The following ADAMTS13 variants were observed in gnomAD, a reference collection of about 807,000 sequenced individuals.
The protein encoded by ADAMTS13 is A disintegrin and metalloproteinase with thrombospondin motifs 13.
In ADAMTS13, 110 loss-of-function variants were observed where a neutral mutation model predicts 155.1. The observed-to-expected ratio is 0.71, with a 90% confidence interval of 0.61 to 0.83. The LOEUF is 0.83. Among genes scored for constraint, ADAMTS13 ranks in the 40% least tolerant of loss-of-function variants. ADAMTS13 has a pLI of 0.00. For synonymous variants in ADAMTS13, 758 were observed against 756.4 expected (o/e 1.00, Z -0.03); for missense variants, 1,707 against 1,891.7 (o/e 0.90, Z 1.81).
rs375370257 is a variant in ADAMTS13, at chr9:133,424,333, C to T, written c.185C>T (p.Ser62Phe). 1 of 1,612,970 alleles carries T rather than the reference C, an allele frequency of 6.2e-7. No homozygotes were observed. The highest frequency in any genetic ancestry group is 8.5e-7 in the Non-Finnish European group (1 of 1,179,930). The part of the protein sequence containing the change: ...PGAPLKGRPP[S>F]PGFQRQRQRQ... ...TCTCCCCCTCCAGGCCGCCCTCCTTCCCCTGGCTTCCAGAGGCAGAGGCAG... is the reference window on the plus strand; with the variant it reads ...TCTCCCCCTCCAGGCCGCCCTCCTTTCCCTGGCTTCCAGAGGCAGAGGCAG... The change falls in exon 3 of 29, where the codon TCC becomes TTC. Residue 62 changes from serine (S) to phenylalanine (F), a missense_variant. Ser to Phe is a radical substitution (Grantham distance 155). Around this residue, in one of 3 missense-constraint regions of ADAMTS13, gnomAD observed 733 missense variants for 749.6 expected, o/e 0.98. Transcript: ENST00000355699. The surrounding 1 kb of genome is among the most constrained non-coding windows in gnomAD (Gnocchi z 4.3).
intron 23 of ADAMTS13, among the ~76,000 whole-genome samples, chr9:133,451,945 A>T (rs912930115): frequency 5.3e-5 from 8 of 151,056 alleles, no homozygotes; most frequent in Admixed American, 2.0e-4. Flanking sequence ...ACCCTGTACT[A>T]ATCTGTGATT....
Position 133,438,027 on chromosome 9 carries a change from A to C in ADAMTS13, c.1584+130A>C, listed in dbSNP as rs1841384049. ...CCTCTGCAGGGGAGTGGTGCTGGGG[A>C]AAAGGATCTGGACTTGGAGTCAGCC... is the stretch of plus-strand genomic sequence containing the variant. On this transcript the variant is annotated intron_variant, in intron 13 of 28. Transcript: ENST00000355699. 1.9e-6 allele frequency: 3 copies of C among 1,545,074 alleles called. No individual in the cohort carries two copies. The East Asian group carries it at 6.8e-5, about 35-fold the overall frequency.
chr9:133,439,896 A>G (rs902926822), intron 15 of ADAMTS13, among the ~76,000 whole-genome samples: 2 of 152,210 alleles, frequency 1.3e-5, no homozygotes, highest in African/African-American at 4.8e-5. Flanking sequence ...CCCTATCCTA[A>G]ATCACATAGT....
rs782213090 is a variant in ADAMTS13, at chr9:133,458,024, G to A, written c.3839G>A (p.Arg1280Gln). 28 of 1,613,314 alleles carry A rather than the reference G, an allele frequency of 1.7e-5. No homozygotes were observed. The highest frequency in any genetic ancestry group is 6.7e-5 in the Admixed American group (4 of 60,006). ...RLFINVAPHA[R>Q]IAIHALATNM... Reference sequence around the variant, plus strand: ...TTCATTAATGTGGCTCCGCACGCACGGATTGCCATCCATGCCCTGGCCACC... The same window carrying A: ...TTCATTAATGTGGCTCCGCACGCACAGATTGCCATCCATGCCCTGGCCACC... Residue 1280 changes from arginine to glutamine, a missense_variant, in exon 28 of 29, where the codon CGG becomes CAG. By Grantham distance (43) the Arg-to-Gln change is conservative (BLOSUM62 1). Coordinates refer to ENST00000355699, the MANE Select transcript of ADAMTS13 (RefSeq NM_139027.6).
Position 133,448,603 on chromosome 9 carries a change from G to A in ADAMTS13, c.2736G>A (p.Leu912=). Residue 912 remains leucine, a synonymous_variant, in exon 22 of 29, where the codon CTG becomes CTA. Coordinates refer to ENST00000355699, the MANE Select transcript of ADAMTS13 (RefSeq NM_139027.6). ...GTCTCTGCTTTGTCCACGCAGGTCT[G>A]ATGGAGCTGCGTTTCCTGTGCATGG... ...GSCSVSCGRG[L]MELRFLCMDS... 6.2e-7 allele frequency: 1 copy of A among 1,610,060 alleles called. No individual in the cohort carries two copies.
At chr9:133,426,418 T>A in intron 6 of ADAMTS13, 73 bp downstream of exon 6, 2 of 1,574,016 alleles carry the variant, frequency 1.3e-6, no homozygotes, top group Non-Finnish European at 1.7e-6. Context: ...GAGGTGGTCT[T>A]GGCAAGCAGT....
Position 133,425,703 on chromosome 9 carries a change from C to A in ADAMTS13, c.414+91C>A. On this transcript the variant is annotated intron_variant, in intron 4 of 28. Transcript: ENST00000355699. This position sits in a 1 kb window ranked among gnomAD's most constrained non-coding sequence, Gnocchi z 4.6. ...CCTCTTTAACCTCTTGTCCCGGATG[C>A]CCCAAGCAGCATGGATCACAGAATG... 6.8e-7 allele frequency: 1 copy of A among 1,463,598 alleles called. No homozygotes were observed. The highest frequency in any genetic ancestry group is 9.4e-7 in the Non-Finnish European group (1 of 1,067,182). The allele number at this position is 1,463,598 out of a possible 1,614,324, so 90.7% of individuals were successfully genotyped here. A position where few individuals can be genotyped will look rare whatever the true frequency, so the allele number is the denominator to read the frequency against.
chr9:133,417,787 G>C, upstream of ADAMTS13: 1 of 1,609,940 alleles, frequency 6.2e-7, no homozygotes, highest in South Asian at 1.1e-5. Context: ...ACAGGACCCG[G>C]CTTAGCCACG....
At chr9:133,429,770 C>G in intron 7 of ADAMTS13, 169 bp from the exon 8 acceptor site, 1 of 936,450 alleles carries the variant, frequency 1.1e-6, no homozygotes, top group Non-Finnish European at 1.7e-6. Context: ...TAGTCTTGGT[C>G]CCAGCCAAGA....
At chr9:133,444,132 G>A (rs987553703) in intron 19 of ADAMTS13, among the ~76,000 whole-genome samples, 1 of 152,104 alleles carries the variant, frequency 6.6e-6, no homozygotes, top group Non-Finnish European at 1.5e-5. Flanking sequence ...ACTCTTCCCC[G>A]CTGAGGCCAG....
In ADAMTS13 at chr9:133,451,199, C is replaced by T. The variant is rs587773606; in HGVS notation, c.3044+1234C>T. Among the ~76,000 whole-genome samples the T allele has an allele frequency of 1.1e-4, 17 of 152,316 alleles. No individual in the cohort carries two copies. In the South Asian group the frequency reaches 3.5e-3, roughly 32 times the overall value. On this transcript the variant is annotated intron_variant, in intron 23 of 28. Transcript: ENST00000355699. ...AAAGAATGTAACAGACATGTATGTTCCAGCACTCCAGTTTAATAGATAGCA... is the reference window on the plus strand; with the variant it reads ...AAAGAATGTAACAGACATGTATGTTTCAGCACTCCAGTTTAATAGATAGCA...
At chr9:133,427,932 C>G (rs921500829) in intron 6 of ADAMTS13, among the ~76,000 whole-genome samples, 1 of 152,214 alleles carries the variant, frequency 6.6e-6, no homozygotes, top group Non-Finnish European at 1.5e-5. Context: ...TTTGCCATGG[C>G]AATGGCAAAC....
rs958104571 is a variant in ADAMTS13, at chr9:133,422,415, C to G, written c.-29C>G. On this transcript the variant is annotated 5_prime_UTR_variant, in exon 1 of 29. Transcript: ENST00000355699. ...GTCACCAAGGCCCCCTCTCACTCCG[C>G]TCCACTCCTCGGGCTGGCTCTCCTG... The G allele has an allele frequency of 6.2e-7, 1 of 1,604,466 alleles. No homozygotes were observed. The highest frequency in any genetic ancestry group is 8.5e-7 in the Non-Finnish European group (1 of 1,173,636).
At chr9:133,453,017 A>G (rs587707460) in intron 23 of ADAMTS13, among the ~76,000 whole-genome samples, 48 of 152,218 alleles carry the variant, frequency 3.2e-4, no homozygotes, top group African/African-American at 1.0e-3. Flanking sequence ...GTCGGTCCAG[A>G]ACGGCACTCT....
chr9:133,433,011 T>G lies in ADAMTS13; in HGVS notation c.1092+319T>G, dbSNP rs71503194. 0.057 allele frequency among the ~76,000 whole-genome samples: 8,419 copies of G among 147,672 alleles called. 333 individuals are homozygous for G. Among genetic ancestry groups the G allele is most frequent in the Non-Finnish European group, 0.089 (5,993 of 66,992 alleles). Reference sequence around the variant, plus strand: ...GGGATCCCTGTGTAAGGGGTCCCTGTGAGTGTAGAGTCCCTGTGGGTGGGG... The same window carrying G: ...GGGATCCCTGTGTAAGGGGTCCCTGGGAGTGTAGAGTCCCTGTGGGTGGGG... On this transcript the variant is annotated intron_variant, in intron 9 of 28. Coordinates refer to ENST00000355699, the MANE Select transcript of ADAMTS13 (RefSeq NM_139027.6).
At chr9:133,430,693 CT>C (rs1359545780) in intron 8 of ADAMTS13, among the ~76,000 whole-genome samples, 9 of 139,692 alleles carry the variant, frequency 6.4e-5, no homozygotes, top group African/African-American at 2.5e-4. Context: ...TTTTTTTTTC[CT>C]ATTTTTTTTT....
At chr9:133,449,573 C>A (rs1253959727) in intron 22 of ADAMTS13, among the ~76,000 whole-genome samples, 1 of 152,208 alleles carries the variant, frequency 6.6e-6, no homozygotes, top group Admixed American at 6.5e-5. Flanking sequence ...CCTCACCTTT[C>A]TCTTCTGTAA....
chr9:133,423,193 C>CG (rs1564406531), intron 2 of ADAMTS13, 26 bp downstream of exon 2: 3 of 1,608,568 alleles, frequency 1.9e-6, no homozygotes, highest in Admixed American at 1.7e-5. Flanking sequence ...TCTTCTCTCC[C>CG]GGGGGGAGTT....
In ADAMTS13 at chr9:133,425,915, C is replaced by T. The variant is rs371569341; in HGVS notation, c.415-23C>T. 3 of 1,612,930 alleles carry T rather than the reference C, an allele frequency of 1.9e-6. No individual in the cohort carries two copies. Among genetic ancestry groups the T allele is most frequent in the Non-Finnish European group, 2.5e-6 (3 of 1,179,994 alleles). On this transcript the variant is annotated intron_variant, in intron 4 of 28. Coordinates refer to ENST00000355699, the MANE Select transcript of ADAMTS13 (RefSeq NM_139027.6). The surrounding 1 kb of genome is among the most constrained non-coding windows in gnomAD (Gnocchi z 4.6). The stretch of plus-strand genomic sequence containing the variant: ...GTGCCTGGTTGGGGTGTCCTAAATG[C>T]AGGCTTTGCTGTGGGTCCGCAGGGT...
Sources: allele counts gnomAD v4.1 joint callset (sites outside exome capture counted in the v4.1 genomes callset), GRCh38; gene constraint gnomAD v4.1.1; regional missense constraint gnomAD v4.1.1; non-coding constraint Gnocchi (gnomAD v3.1); transcripts MANE v1.5; gene names NCBI Gene and HGNC (gene_info 2026-07-23, HGNC 2026-07-21).